The following CELF4 variants were observed in gnomAD, a reference collection of about 807,000 sequenced individuals.
CELF4 encodes CUG-BP- and ETR-3-like factor 4.
Under a neutral mutation model 59.9 loss-of-function variants are expected in CELF4, and 18 were observed. The observed-to-expected ratio is 0.30, with a 90% CI of 0.21 to 0.45. The LOEUF (loss-of-function observed/expected upper bound fraction) is 0.45, where lower values mean the gene tolerates loss of function less well. Among genes scored for constraint, CELF4 ranks in the 20% least tolerant of loss-of-function variants. The pLI is 1.00. For missense variants in CELF4, 456 were observed against 689.0 expected (o/e 0.66, Z 3.79); for synonymous variants, 261 against 267.1 (o/e 0.98, Z 0.22).
At chr18:37,354,936 A>G (rs996486773) in intron 2 of CELF4, among the ~76,000 whole-genome samples, 1 of 152,266 alleles carries the variant, frequency 6.6e-6, no homozygotes, top group Non-Finnish European at 1.5e-5. Flanking sequence ...AGATATTTCC[A>G]TAAGGAAGAA....
intron 2 of CELF4, among the ~76,000 whole-genome samples, chr18:37,467,180 T>G (rs2099811163): frequency 6.6e-6 from 1 of 152,216 alleles, no homozygotes; most frequent in Non-Finnish European, 1.5e-5. Context: ...CTCCCTGCCC[T>G]GCCTAGTACA....
At chr18:37,366,914 C>T (rs1382225852) in intron 2 of CELF4, among the ~76,000 whole-genome samples, 1 of 152,208 alleles carries the variant, frequency 6.6e-6, no homozygotes, top group East Asian at 1.9e-4. Flanking sequence ...CATGGAGCTC[C>T]TCTTCTGGGT....
At chr18:37,494,692 C>T (rs1332652465) in intron 1 of CELF4, among the ~76,000 whole-genome samples, 2 of 152,162 alleles carry the variant, frequency 1.3e-5, no homozygotes, top group Admixed American at 1.3e-4. Flanking sequence ...TGAGATGTGG[C>T]CACAGTGGGA....
chr18:37,438,782 T>C (rs545038033), intron 2 of CELF4, among the ~76,000 whole-genome samples: 53 of 152,350 alleles, frequency 3.5e-4, no homozygotes, highest in African/African-American at 1.2e-3. Flanking sequence ...AGAGCTTGAA[T>C]TGACAGCCGC....
At chr18:37,412,825 G>A (rs181067389) in intron 2 of CELF4, among the ~76,000 whole-genome samples, 265 of 152,176 alleles carry the variant, frequency 1.7e-3, no homozygotes, top group African/African-American at 6.0e-3. Flanking sequence ...GCCACTTTCA[G>A]GTGTTGACTG....
At chr18:37,464,334 T>C (rs1398818225) in intron 2 of CELF4, among the ~76,000 whole-genome samples, 2 of 152,182 alleles carry the variant, frequency 1.3e-5, no homozygotes, top group Non-Finnish European at 2.9e-5. Context: ...CTCCACACAC[T>C]GCCTTTCTAT....
intron 1 of CELF4, among the ~76,000 whole-genome samples, chr18:37,530,079 G>T (rs562615360): frequency 6.6e-6 from 1 of 152,146 alleles, no homozygotes; most frequent in Admixed American, 6.5e-5. Flanking sequence ...CACTACCCAC[G>T]CCATCCTGCA....
At chr18:37,275,339 A>T in intron 3 of CELF4, 96 bp from the exon 4 acceptor site, 2 of 1,025,978 alleles carry the variant, frequency 1.9e-6, no homozygotes, top group Non-Finnish European at 2.4e-6. Flanking sequence ...GAAAGGGAGG[A>T]GCCGGGGAGG....
chr18:37,285,856 AGGCGCACGGCACACGATAGAC>A (rs1228122647), intron 3 of CELF4, among the ~76,000 whole-genome samples: 1 of 152,084 alleles, frequency 6.6e-6, no homozygotes, highest in African/African-American at 2.4e-5. Context: ...TATCCTTACC[AGGCGCACGGCACACGATAGAC>A]GGCCCTGGAG....
chr18:37,481,523 C>T (rs1333279940), intron 2 of CELF4, among the ~76,000 whole-genome samples: 1 of 152,202 alleles, frequency 6.6e-6, no homozygotes, highest in East Asian at 1.9e-4. Flanking sequence ...GCTGGAGGAG[C>T]TGCGACAAAG....
intron 2 of CELF4, among the ~76,000 whole-genome samples, chr18:37,464,970 G>T (rs888226438): frequency 6.6e-6 from 1 of 152,126 alleles, no homozygotes; most frequent in African/African-American, 2.4e-5. Context: ...TGACTCCTCA[G>T]GATGCTGCCA....
chr18:37,534,235 C>T (rs1441901799), intron 1 of CELF4, among the ~76,000 whole-genome samples: 1 of 152,156 alleles, frequency 6.6e-6, no homozygotes, highest in East Asian at 1.9e-4. Context: ...AATTTGGTTA[C>T]AGTCCTCGCC....
intron 2 of CELF4, among the ~76,000 whole-genome samples, chr18:37,471,249 T>C (rs1400734933): frequency 2.0e-5 from 3 of 152,104 alleles, no homozygotes; most frequent in Non-Finnish European, 4.4e-5. Flanking sequence ...TCAGCTCCTG[T>C]TCCTGATGTC....
intron 1 of CELF4, among the ~76,000 whole-genome samples, chr18:37,519,080 G>A (rs77158709): frequency 0.016 from 2,412 of 152,266 alleles, 68 homozygotes; most frequent in African/African-American, 0.054. Context: ...TCCACCTGGA[G>A]GTCCTGAGAG....
At chr18:37,432,152 G>A (rs550672334) in intron 2 of CELF4, among the ~76,000 whole-genome samples, 1 of 152,332 alleles carries the variant, frequency 6.6e-6, no homozygotes, top group South Asian at 2.1e-4. Flanking sequence ...TTAGCCTCCA[G>A]ATCAAACACA....
intron 2 of CELF4, among the ~76,000 whole-genome samples, chr18:37,438,608 G>C (rs2099701225): frequency 6.6e-6 from 1 of 152,154 alleles, no homozygotes; most frequent in African/African-American, 2.4e-5. Flanking sequence ...GTGCCTTCCA[G>C]GTCTGGAGTG....
chr18:37,477,791 T>C (rs1042357780), intron 2 of CELF4, among the ~76,000 whole-genome samples: 6 of 152,158 alleles, frequency 3.9e-5, no homozygotes, highest in Admixed American at 3.3e-4. Context: ...CCAGACACCC[T>C]CCCTCCCACA....
chr18:37,502,612 C>G (rs1213107455), intron 1 of CELF4, among the ~76,000 whole-genome samples: 7 of 152,202 alleles, frequency 4.6e-5, no homozygotes, highest in African/African-American at 1.7e-4. Context: ...CCCCACTGCA[C>G]TGCTGGGCAC....
At chr18:37,348,073 GC>G (rs397859078) in intron 2 of CELF4, among the ~76,000 whole-genome samples, 1 of 152,156 alleles carries the variant, frequency 6.6e-6, no homozygotes, top group Admixed American at 6.5e-5. Context: ...CTGGTCTCCT[GC>G]CCGCCTGGCC....
Sources: allele counts gnomAD v4.1 joint callset (sites outside exome capture counted in the v4.1 genomes callset), GRCh38; gene constraint gnomAD v4.1.1; transcripts MANE v1.5; gene names NCBI Gene and HGNC (gene_info 2026-07-23, HGNC 2026-07-21).